The following XKR4 variants were observed in gnomAD, a reference collection of about 807,000 sequenced individuals.
XKR4 encodes the protein XK-related protein 4.
Under a neutral mutation model 53.9 loss-of-function variants are expected in XKR4, and 12 were observed. The observed-to-expected ratio is 0.22, with a 90% CI of 0.14 to 0.36. The LOEUF (loss-of-function observed/expected upper bound fraction) is 0.36, where lower values mean the gene tolerates loss of function less well. Ranked by LOEUF, XKR4 falls within the 10% of genes least tolerant of loss-of-function variation. The pLI is 1.00. For missense variants in XKR4, 799 were observed against 859.5 expected, an observed-to-expected ratio of 0.93 and a Z score of 0.88; for synonymous variants, 354 against 362.4, an observed-to-expected ratio of 0.98 and a Z score of 0.26.
At chr8:55,130,995 A>G (rs1003310553) in intron 1 of XKR4, among the ~76,000 whole-genome samples, 6 of 152,072 alleles carry the variant, frequency 3.9e-5, no homozygotes, top group African/African-American at 1.2e-4. Context: ...CCCCATCTCT[A>G]CTAAAAACAC....
At chr8:55,438,487 G>T (rs1225144676) in intron 2 of XKR4, among the ~76,000 whole-genome samples, 1 of 151,484 alleles carries the variant, frequency 6.6e-6, no homozygotes, top group African/African-American at 2.4e-5. Context: ...CTACTCAGGA[G>T]GCTGAGGAAG....
At chr8:55,440,756 A>G (rs1343814597) in intron 2 of XKR4, among the ~76,000 whole-genome samples, 2 of 152,194 alleles carry the variant, frequency 1.3e-5, no homozygotes, top group Admixed American at 6.5e-5. Context: ...TAAAGGAACT[A>G]TAATCACAAT....
At chr8:55,164,077 C>G (rs1234553707) in intron 1 of XKR4, 2 of 400,380 alleles carry the variant, frequency 5.0e-6, no homozygotes, top group East Asian at 1.5e-4. Flanking sequence ...TTGCCCTTAT[C>G]TGTGACCCAC....
chr8:55,152,637 C>CA (rs1344105225), intron 1 of XKR4, among the ~76,000 whole-genome samples: 2 of 150,160 alleles, frequency 1.3e-5, no homozygotes, highest in Non-Finnish European at 3.0e-5. Context: ...CTCATCCAAA[C>CA]AAAAAATGAG....
chr8:55,320,731 T>C (rs2129379393), intron 1 of XKR4, among the ~76,000 whole-genome samples: 1 of 152,262 alleles, frequency 6.6e-6, no homozygotes, highest in South Asian at 2.1e-4. Flanking sequence ...TACCAAATCA[T>C]TTGTCAAACC....
At chr8:55,164,503 G>C (rs1226471546) in intron 1 of XKR4, 4 of 449,848 alleles carry the variant, frequency 8.9e-6, no homozygotes, top group South Asian at 1.6e-5. Flanking sequence ...TCAATGTCCT[G>C]AGCTTGCTGG....
chr8:55,514,748 C>A (rs2129405005), intron 2 of XKR4, among the ~76,000 whole-genome samples: 1 of 152,174 alleles, frequency 6.6e-6, no homozygotes, highest in Non-Finnish European at 1.5e-5. Flanking sequence ...TAAACAAAAA[C>A]TTAATTCTAT....
chr8:55,445,177 C>T (rs1055117506), intron 2 of XKR4, among the ~76,000 whole-genome samples: 1 of 152,178 alleles, frequency 6.6e-6, no homozygotes, highest in Non-Finnish European at 1.5e-5. Context: ...CCTGCCTCAG[C>T]CTCCCTAGTA....
intron 1 of XKR4, among the ~76,000 whole-genome samples, chr8:55,152,827 A>G (rs1394572735): frequency 6.6e-6 from 1 of 152,198 alleles, no homozygotes; most frequent in Non-Finnish European, 1.5e-5. Flanking sequence ...ATTTAAGCTC[A>G]TCCCTTAACT....
At chr8:55,227,884 C>T (rs1410302820) in intron 1 of XKR4, among the ~76,000 whole-genome samples, 1 of 152,138 alleles carries the variant, frequency 6.6e-6, no homozygotes, top group African/African-American at 2.4e-5. Context: ...CTCTGTATGC[C>T]ACATAATATC....
At chr8:55,139,584 G>A (rs1429797718) in intron 1 of XKR4, among the ~76,000 whole-genome samples, 1 of 150,758 alleles carries the variant, frequency 6.6e-6, no homozygotes, top group African/African-American at 2.4e-5. Flanking sequence ...TAAAACAGAT[G>A]ACTCAGAGAA....
chr8:55,168,746 G>C (rs1241864971), intron 1 of XKR4, among the ~76,000 whole-genome samples: 2 of 152,152 alleles, frequency 1.3e-5, no homozygotes, highest in Non-Finnish European at 2.9e-5. Context: ...CTCCTGCTCA[G>C]CTTCTCCTTG....
chr8:55,336,732 G>C (rs1247569749), intron 1 of XKR4, among the ~76,000 whole-genome samples: 1 of 151,894 alleles, frequency 6.6e-6, no homozygotes, highest in Non-Finnish European at 1.5e-5. Context: ...GATTAGAGGG[G>C]GAGGGAGAAA....
chr8:55,171,323 C>A lies in XKR4; in HGVS notation c.806+68029C>A, dbSNP rs922025950. ...CTGTTACAGCGTCTGGTGGGAGACACAATGGAGAGAAGGGAAGAGATGAGG... is the reference window on the plus strand; with the variant it reads ...CTGTTACAGCGTCTGGTGGGAGACAAAATGGAGAGAAGGGAAGAGATGAGG... On this transcript the variant is annotated intron_variant, in intron 1 of 2. Coordinates refer to ENST00000327381, the MANE Select transcript of XKR4 (RefSeq NM_052898.2). 3.3e-5 allele frequency among the ~76,000 whole-genome samples: 5 copies of A among 152,104 alleles called. No homozygotes were observed. In the East Asian group the frequency reaches 7.7e-4, roughly 23 times the overall value.
At chr8:55,194,683 A>G (rs998855279) in intron 1 of XKR4, among the ~76,000 whole-genome samples, 1 of 152,190 alleles carries the variant, frequency 6.6e-6, no homozygotes, top group Non-Finnish European at 1.5e-5. Context: ...AGGCTTTCAC[A>G]GTCAGTCTTT....
At chr8:55,222,484 C>G (rs1001317711) in intron 1 of XKR4, among the ~76,000 whole-genome samples, 12 of 152,210 alleles carry the variant, frequency 7.9e-5, no homozygotes, top group African/African-American at 2.9e-4. Context: ...AGTGAGGAAG[C>G]TTTTGTCCAC....
Position 55,223,344 on chromosome 8 carries a change from T to C in XKR4, c.806+120050T>C, listed in dbSNP as rs149503269. On this transcript the variant is annotated intron_variant, in intron 1 of 2. Coordinates refer to ENST00000327381, the MANE Select transcript of XKR4 (RefSeq NM_052898.2). The stretch of plus-strand genomic sequence containing the variant: ...TTGTATTAGAATTATTCTGAATCTA[T>C]TTATCCAAAAATTAGTTAATATCCT... 2.2e-3 allele frequency among the ~76,000 whole-genome samples: 339 copies of C among 152,342 alleles called. 2 individuals carry two copies. Among genetic ancestry groups the C allele is most frequent in the African/African-American group, 7.6e-3 (314 of 41,574 alleles).
intron 2 of XKR4, among the ~76,000 whole-genome samples, chr8:55,480,396 G>A (rs920487442): frequency 2.0e-5 from 3 of 152,136 alleles, no homozygotes; most frequent in Non-Finnish European, 2.9e-5. Context: ...TTGTTGGGAC[G>A]TATCTCAAAA....
chr8:55,416,334 T>C (rs901605089), intron 2 of XKR4, among the ~76,000 whole-genome samples: 3 of 152,196 alleles, frequency 2.0e-5, no homozygotes, highest in Non-Finnish European at 4.4e-5. Flanking sequence ...TGGATTAGCA[T>C]AGAAAGTTTC....
Sources: allele counts gnomAD v4.1 joint callset (sites outside exome capture counted in the v4.1 genomes callset), GRCh38; gene constraint gnomAD v4.1.1; transcripts MANE v1.5; gene names NCBI Gene and HGNC (gene_info 2026-07-23, HGNC 2026-07-21).